The following TRAPPC11 variants were observed in gnomAD, a reference collection of about 807,000 sequenced individuals.
The protein encoded by TRAPPC11 is foie gras homolog.
Under a neutral mutation model 151.2 loss-of-function variants are expected in TRAPPC11, and 104 were observed. The observed-to-expected ratio is 0.69, with a 90% CI of 0.59 to 0.81. The LOEUF is 0.81. Among genes scored for constraint, TRAPPC11 ranks in the 30% least tolerant of loss-of-function variants. The pLI, the probability that TRAPPC11 is intolerant of heterozygous loss-of-function variation, is 0.00. For synonymous variants in TRAPPC11, 456 were observed against 472.3 expected (o/e 0.97, Z 0.45); for missense variants, 1,230 against 1,349.6 (o/e 0.91, Z 1.39).
chr4:183,709,525 C>T (rs1737236961), intron 29 of TRAPPC11, among the ~76,000 whole-genome samples: 1 of 152,154 alleles, frequency 6.6e-6, no homozygotes, highest in Non-Finnish European at 1.5e-5. Context: ...CCTGTAATCC[C>T]AGCACTTTGG....
At chr4:183,708,218 A>G (rs77237787) in intron 28 of TRAPPC11, among the ~76,000 whole-genome samples, 189 bp from the exon 29 acceptor site, 3,303 of 152,278 alleles carry the variant, frequency 0.022, 63 homozygotes, top group East Asian at 0.061. Context: ...CCTGTCTGCC[A>G]TGTCCTAAAC....
At chr4:183,700,134 T>C (rs1017367725) in intron 25 of TRAPPC11, among the ~76,000 whole-genome samples, 8 of 152,306 alleles carry the variant, frequency 5.3e-5, no homozygotes, top group Admixed American at 5.2e-4. Flanking sequence ...TAATAAACAT[T>C]GTGACCGTTT....
At position 183,697,750 on chromosome 4, in the gene TRAPPC11, C is replaced by T. The variant is rs1736611337; in HGVS notation, c.2766C>T (p.Pro922=). ...TGACGGACCTCTTAAGTGCCTCACC[C>T]TGGGCCCTCACTATTGTTTCCAGTG... ...LLMTDLLSAS[P]WALTIVSSEL... The change falls in exon 25 of 30, where the codon CCC becomes CCT. Residue 922 remains proline (P), a synonymous_variant. Transcript: ENST00000334690. 6.2e-7 allele frequency: 1 copy of T among 1,614,158 alleles called. No individual in the cohort carries two copies. The highest frequency in any genetic ancestry group is 8.5e-7 in the Non-Finnish European group (1 of 1,180,040).
chr4:183,679,208 G>C (rs996003842), intron 8 of TRAPPC11, 145 bp from the exon 9 acceptor site: 3 of 722,376 alleles, frequency 4.2e-6, no homozygotes, highest in African/African-American at 3.7e-5. Context: ...ATTCTGATGA[G>C]GAAAATTAAT....
chr4:183,673,219 A>C (rs1418194233), intron 5 of TRAPPC11, among the ~76,000 whole-genome samples: 1 of 151,978 alleles, frequency 6.6e-6, no homozygotes, highest in Non-Finnish European at 1.5e-5. Flanking sequence ...CTGCCTCCCA[A>C]AGTGCTGGGA....
chr4:183,680,287 T>G lies in TRAPPC11; in HGVS notation c.1113+20T>G, dbSNP rs1735610750. 1 of 1,612,784 alleles carries G rather than the reference T, an allele frequency of 6.2e-7. No homozygotes were observed. The highest frequency in any genetic ancestry group is 1.3e-5 in the African/African-American group (1 of 74,872). Reference sequence around the variant, plus strand: ...CACGAAGTAAGTTACTCACTCCGTATTATCTAGCACATAGAAAAGTTATTC... The same window carrying G: ...CACGAAGTAAGTTACTCACTCCGTAGTATCTAGCACATAGAAAAGTTATTC... On this transcript the variant is annotated intron_variant, in intron 10 of 29. Coordinates refer to ENST00000334690, the MANE Select transcript of TRAPPC11 (RefSeq NM_021942.6).
chr4:183,706,561 C>G (rs1046496387), intron 27 of TRAPPC11, among the ~76,000 whole-genome samples: 3 of 151,728 alleles, frequency 2.0e-5, no homozygotes, highest in Non-Finnish European at 2.9e-5. Flanking sequence ...AAATATAATT[C>G]AGTTCCTGAT....
chr4:183,683,818 T>C, intron 11 of TRAPPC11, 157 bp from the exon 12 acceptor site: 1 of 640,678 alleles, frequency 1.6e-6, no homozygotes, highest in Non-Finnish European at 2.7e-6. Flanking sequence ...TCCATGTTAA[T>C]AAAGCTGCCT....
Position 183,677,343 on chromosome 4 carries a change from T to G in TRAPPC11, c.735-115T>G, listed in dbSNP as rs529508679. On this transcript the variant is annotated intron_variant, in intron 7 of 29. Coordinates refer to ENST00000334690, the MANE Select transcript of TRAPPC11 (RefSeq NM_021942.6). ...ATCAGGAAATCAGAGATTGACATTA[T>G]TGAGCTGTTGAGCACTAAAATGTTG... 5.7e-6 allele frequency: 4 copies of G among 704,590 alleles called. No homozygotes were observed. The South Asian group carries it at 6.5e-5, about 11-fold the overall frequency. 43.6% of individuals were successfully genotyped at this position (704,590 alleles called of 1,614,324 possible).
intron 5 of TRAPPC11, among the ~76,000 whole-genome samples, chr4:183,672,448 G>A (rs940464269): frequency 1.3e-5 from 2 of 152,124 alleles, no homozygotes; most frequent in African/African-American, 4.8e-5. Context: ...TTGAGTATCT[G>A]GTAAGAGAAT....
chr4:183,706,528 A>T, intron 27 of TRAPPC11, among the ~76,000 whole-genome samples: 1 of 152,112 alleles, frequency 6.6e-6, no homozygotes, highest in East Asian at 1.9e-4. Flanking sequence ...GCCTCAAAAA[A>T]AAAAAAAAAG....
intron 9 of TRAPPC11, 59 bp downstream of exon 9, chr4:183,679,545 A>C: frequency 6.9e-7 from 1 of 1,441,846 alleles, no homozygotes; most frequent in Non-Finnish European, 9.3e-7. Context: ...ATTTGGAGAA[A>C]TAGCATGGAC....
intron 25 of TRAPPC11, 188 bp from the exon 26 acceptor site, chr4:183,701,509 A>G (rs1030196144): frequency 1.9e-6 from 1 of 527,048 alleles, no homozygotes; most frequent in Middle Eastern, 5.1e-4. Context: ...ATATTGGTAC[A>G]TTAGCAAAAA....
chr4:183,677,412 T>C, intron 7 of TRAPPC11, 46 bp from the exon 8 acceptor site: 1 of 1,090,440 alleles, frequency 9.2e-7, no homozygotes, highest in Non-Finnish European at 1.4e-6. Context: ...TTCTTAGAAA[T>C]CGTTTATTAA....
chr4:183,665,476 G>A lies in TRAPPC11; in HGVS notation c.205-781G>A, dbSNP rs182980010. 3.1e-3 allele frequency among the ~76,000 whole-genome samples: 474 copies of A among 152,290 alleles called. 4 individuals carry two copies. Among genetic ancestry groups the A allele is most frequent in the Middle Eastern group, 0.014 (4 of 294 alleles). On this transcript the variant is annotated intron_variant, in intron 2 of 29. Transcript: ENST00000334690. ...CAAGCCCTCTTTTCTCTTAATGCTC[G>A]AATTCAAGCTGCTTTTCATTTCTCT...
At chr4:183,692,468 T>C (rs1561051917) in intron 19 of TRAPPC11, among the ~76,000 whole-genome samples, 1 of 152,182 alleles carries the variant, frequency 6.6e-6, no homozygotes, top group Admixed American at 6.5e-5. Flanking sequence ...TAAATAATAA[T>C]TAGTAATTCT....
chr4:183,709,840 T>C (rs577280197), intron 29 of TRAPPC11, among the ~76,000 whole-genome samples: 2 of 152,230 alleles, frequency 1.3e-5, no homozygotes, highest in South Asian at 4.1e-4. Flanking sequence ...TTTAAACGCT[T>C]TTTAAATATT....
rs1735877322 is a variant in TRAPPC11 at position 183,684,740 on chromosome 4, G to A, written c.1466G>A (p.Trp489Ter). Residue 489 changes from tryptophan to a stop codon, truncating the protein, a stop_gained, in exon 15 of 30, where the codon TGG (tryptophan) becomes TAG (stop). Coordinates refer to ENST00000334690, the MANE Select transcript of TRAPPC11 (RefSeq NM_021942.6). LOFTEE classifies it high-confidence loss of function. Reference sequence around the variant, plus strand: ...TGTGATTATCGGAGTGAAGGATGGTGGACTCTGCTCACTTCTGTATTAACT... The same window carrying A: ...TGTGATTATCGGAGTGAAGGATGGTAGACTCTGCTCACTTCTGTATTAACT... ...VMCDYRSEGW[W>*]TLLTSVLTTA... is the part of the protein sequence containing the mutation. 2.5e-6 allele frequency: 4 copies of A among 1,613,868 alleles called. No individual in the cohort carries two copies. Among genetic ancestry groups the A allele is most frequent in the East Asian group, 2.2e-5 (1 of 44,842 alleles).
intron 3 of TRAPPC11, 116 bp from the exon 4 acceptor site, chr4:183,666,944 G>T (rs555311904): frequency 2.8e-4 from 219 of 784,032 alleles, no homozygotes; most frequent in Non-Finnish European, 4.0e-4. Context: ...TCTGATCTTG[G>T]TTTTTTTAGT....
Sources: allele counts gnomAD v4.1 joint callset (sites outside exome capture counted in the v4.1 genomes callset), GRCh38; gene constraint gnomAD v4.1.1; transcripts MANE v1.5; gene names NCBI Gene and HGNC (gene_info 2026-07-23, HGNC 2026-07-21).